Variants in SYT9 observed in about 807,000 individuals in gnomAD.
SYT9 encodes synaptotagmin-9.
A neutral mutation model predicts 48.4 loss-of-function variants in SYT9; 22 were observed. The observed-to-expected ratio is 0.45, with a 90% confidence interval of 0.32 to 0.65. The LOEUF (loss-of-function observed/expected upper bound fraction) is 0.65. Ranked by LOEUF, SYT9 falls within the 30% of genes least tolerant of loss-of-function variation. The pLI, the probability that SYT9 is intolerant of heterozygous loss-of-function variation, is 0.03. For synonymous variants in SYT9, 265 were observed against 245.0 expected, an observed-to-expected ratio of 1.08 and a Z score of -0.76; for missense variants, 577 against 622.0, an observed-to-expected ratio of 0.93 and a Z score of 0.77.
At chr11:7,333,938 T>C (rs1218261284) in intron 3 of SYT9, among the ~76,000 whole-genome samples, 1 of 152,144 alleles carries the variant, frequency 6.6e-6, no homozygotes, top group South Asian at 2.1e-4. Context: ...GCACAGATAA[T>C]TACTCACATG....
rs116101044 is a variant in SYT9 at position 7,462,477 on chromosome 11, G to C, written c.1468-4315G>C. Among the ~76,000 whole-genome samples, 776 of 152,036 alleles carry C rather than the reference G, an allele frequency of 5.1e-3. 6 individuals carry two copies. The highest frequency in any genetic ancestry group is 0.018 in the African/African-American group (745 of 41,448). On this transcript the variant is annotated intron_variant, in intron 6 of 6. Coordinates refer to ENST00000318881, the MANE Select transcript of SYT9 (RefSeq NM_175733.4). ...CATACTTGTTCTTAAAGCCGAGAGA[G>C]GAAGTAAAAAAAAAATAGAATGTCC...
At chr11:7,321,058 T>C (rs1391322762) in intron 3 of SYT9, among the ~76,000 whole-genome samples, 1 of 152,028 alleles carries the variant, frequency 6.6e-6, no homozygotes, top group Non-Finnish European at 1.5e-5. Flanking sequence ...GCTTAGAAAC[T>C]GGTTCGGAGA....
At chr11:7,277,052 T>C (rs1479162036) in intron 1 of SYT9, among the ~76,000 whole-genome samples, 1 of 145,502 alleles carries the variant, frequency 6.9e-6, no homozygotes, top group Non-Finnish European at 1.5e-5. Context: ...AGACTCTATC[T>C]CAAAAAACAA....
At chr11:7,448,444 C>T (rs988526561) in intron 6 of SYT9, among the ~76,000 whole-genome samples, 3 of 152,228 alleles carry the variant, frequency 2.0e-5, no homozygotes, top group South Asian at 2.1e-4. Flanking sequence ...ATCCCTGCTG[C>T]GGCTCGCCTC....
rs1848363963 is a variant in SYT9 at position 7,468,168 on chromosome 11, G to C, written c.*1368G>C. On this transcript the variant is annotated 3_prime_UTR_variant, in exon 7 of 7. Coordinates refer to ENST00000318881, the MANE Select transcript of SYT9 (RefSeq NM_175733.4). ...CACAATCTCTTTACAGCAGAATCCA[G>C]AGTTGGATTGTAGTTTACCTTCCTG... The C allele has an allele frequency of 2.5e-6, 1 of 398,298 alleles. No individual in the cohort carries two copies. Among genetic ancestry groups the C allele is most frequent in the Non-Finnish European group, 4.4e-6 (1 of 225,868 alleles). 24.7% of individuals were successfully genotyped at this position (398,298 alleles called of 1,614,324 possible). A position where few individuals can be genotyped will look rare whatever the true frequency, so the allele number is the denominator to read the frequency against.
intron 3 of SYT9, among the ~76,000 whole-genome samples, chr11:7,369,938 A>G (rs374317498): frequency 6.6e-6 from 1 of 151,648 alleles, no homozygotes; most frequent in Admixed American, 6.6e-5. Flanking sequence ...GGTACAGGTG[A>G]TATCTGGTTA....
At chr11:7,387,457 T>G (rs1023755114) in intron 3 of SYT9, among the ~76,000 whole-genome samples, 1 of 152,150 alleles carries the variant, frequency 6.6e-6, no homozygotes, top group African/African-American at 2.4e-5. Flanking sequence ...GCTTATAAAT[T>G]TTAATAATTT....
At chr11:7,374,172 T>C (rs570105417) in intron 3 of SYT9, among the ~76,000 whole-genome samples, 2 of 152,270 alleles carry the variant, frequency 1.3e-5, no homozygotes, top group African/African-American at 4.8e-5. Flanking sequence ...ATATGCCGTG[T>C]TTGGTTTTCT....
intron 1 of SYT9, among the ~76,000 whole-genome samples, chr11:7,256,195 CT>C (rs1412807691): frequency 5.3e-5 from 8 of 152,088 alleles, no homozygotes; most frequent in Non-Finnish European, 8.8e-5. Context: ...CTTTTTAAGT[CT>C]TTTCTTCTGT....
intron 3 of SYT9, among the ~76,000 whole-genome samples, chr11:7,356,993 T>C (rs1850033737): frequency 6.6e-6 from 1 of 152,118 alleles, no homozygotes; most frequent in Non-Finnish European, 1.5e-5. Context: ...AAATACAAGA[T>C]ACTCAAGGAA....
intron 1 of SYT9, among the ~76,000 whole-genome samples, chr11:7,271,782 T>A (rs2133887813): frequency 6.6e-6 from 1 of 152,262 alleles, no homozygotes; most frequent in Middle Eastern, 3.4e-3. Context: ...TTCGCCGTGT[T>A]AGCCAGGAGG....
At chr11:7,335,680 A>C (rs1374645669) in intron 3 of SYT9, among the ~76,000 whole-genome samples, 1 of 152,092 alleles carries the variant, frequency 6.6e-6, no homozygotes, top group African/African-American at 2.4e-5. Flanking sequence ...TAGTCCATGG[A>C]ATATTTTTTA....
Position 7,447,420 on chromosome 11 carries a change from T to C in SYT9, c.1468-19372T>C, listed in dbSNP as rs529687185. Among the ~76,000 whole-genome samples the C allele has an allele frequency of 1.5e-3, 226 of 152,316 alleles. 1 individual carries two copies. The highest frequency in any genetic ancestry group is 1.4e-3 in the Non-Finnish European group (97 of 68,030). On this transcript the variant is annotated intron_variant, in intron 6 of 6. Coordinates refer to ENST00000318881, the MANE Select transcript of SYT9 (RefSeq NM_175733.4). ...CCGGCCCCAGCACACAGGCCACTTC[T>C]AGTACCCTGGCAACACTGCTCTGTG...
At chr11:7,398,111 C>A (rs1846793123) in intron 3 of SYT9, among the ~76,000 whole-genome samples, 1 of 152,056 alleles carries the variant, frequency 6.6e-6, no homozygotes, top group Non-Finnish European at 1.5e-5. Context: ...TTTACAGATC[C>A]CCATCCTAAG....
intron 1 of SYT9, among the ~76,000 whole-genome samples, chr11:7,290,347 C>T (rs1424308835): frequency 1.3e-5 from 2 of 152,148 alleles, no homozygotes; most frequent in African/African-American, 4.8e-5. Flanking sequence ...CTGGATGGGC[C>T]ACTCCAGCCC....
chr11:7,340,278 TAGTTTTCTTGAGATG>T (rs1353803276), intron 3 of SYT9, among the ~76,000 whole-genome samples: 1 of 152,238 alleles, frequency 6.6e-6, no homozygotes, highest in Non-Finnish European at 1.5e-5. Context: ...TTGTGATTCT[TAGTTTTCTTGAGATG>T]AGTTTGCCAT....
chr11:7,383,211 A>G (rs1039272673), intron 3 of SYT9, among the ~76,000 whole-genome samples: 1 of 152,210 alleles, frequency 6.6e-6, no homozygotes, highest in Non-Finnish European at 1.5e-5. Context: ...CTTGAGAGAA[A>G]TGTTACAATT....
At chr11:7,383,230 C>T (rs1424237914) in intron 3 of SYT9, among the ~76,000 whole-genome samples, 1 of 152,152 alleles carries the variant, frequency 6.6e-6, no homozygotes, top group South Asian at 2.1e-4. Context: ...TTAAGATTTC[C>T]TCTCCCCTTG....
At chr11:7,244,917 G>A (rs577041636) in intron 1 of SYT9, among the ~76,000 whole-genome samples, 1 of 152,346 alleles carries the variant, frequency 6.6e-6, no homozygotes, top group East Asian at 1.9e-4. Context: ...GAGAGAGCAG[G>A]AAGTTGATGC....
Sources: gnomAD v4.1 joint callset for allele counts (sites outside exome capture counted in the v4.1 genomes callset) on GRCh38, gnomAD v4.1.1 for gene constraint, MANE v1.5 for transcripts, NCBI Gene and HGNC (gene_info 2026-07-23, HGNC 2026-07-21) for gene names.